The following MYT1L variants were observed in gnomAD, a reference collection of about 807,000 sequenced individuals.
MYT1L encodes myelin transcription factor 1 like.
Under a neutral mutation model 126.7 loss-of-function variants are expected in MYT1L, and 12 were observed. The ratio of observed to expected loss-of-function variants is 0.09; its 90% CI spans 0.06 to 0.15. The LOEUF is 0.15. MYT1L is among the 10% of genes least tolerant of loss of function. The pLI is 1.00. For synonymous variants in MYT1L, 541 were observed against 604.2 expected (o/e 0.90, Z 1.53); for missense variants, 979 against 1,585.2 (o/e 0.62, Z 6.49).
At chr2:1,949,234 G>C (rs1158556543) in intron 8 of MYT1L, among the ~76,000 whole-genome samples, 1 of 152,240 alleles carries the variant, frequency 6.6e-6, no homozygotes, top group Non-Finnish European at 1.5e-5. Context: ...AGCGACAGGA[G>C]TGGAAGTCCA....
intron 3 of MYT1L, among the ~76,000 whole-genome samples, chr2:2,149,938 C>G (rs1381662305): frequency 5.9e-5 from 9 of 152,210 alleles, no homozygotes; most frequent in Non-Finnish European, 1.3e-4. Flanking sequence ...CTTCCTACCT[C>G]CACTCTCCAT....
intron 2 of MYT1L, among the ~76,000 whole-genome samples, chr2:2,282,329 T>C (rs934178042): frequency 3.9e-5 from 6 of 152,210 alleles, no homozygotes; most frequent in Admixed American, 3.3e-4. Context: ...TTAGAAGATA[T>C]TTTGAAATAC....
At chr2:2,054,448 G>A (rs779817006) in intron 3 of MYT1L, among the ~76,000 whole-genome samples, 2 of 151,820 alleles carry the variant, frequency 1.3e-5, no homozygotes, top group Non-Finnish European at 2.9e-5. Context: ...ACACTCAGAG[G>A]TGAGATCATA....
intron 8 of MYT1L, among the ~76,000 whole-genome samples, chr2:1,970,559 AGGCTCCAGGCACACAG>A (rs2149442275): frequency 6.6e-6 from 1 of 152,302 alleles, no homozygotes; most frequent in African/African-American, 2.4e-5. Flanking sequence ...TGGTCGGCAG[AGGCTCCAGGCACACAG>A]GGCAGAGAGC....
intron 3 of MYT1L, among the ~76,000 whole-genome samples, chr2:2,141,042 A>T (rs1196011021): frequency 6.6e-6 from 1 of 152,194 alleles, no homozygotes; most frequent in African/African-American, 2.4e-5. Context: ...GCTTGTTTTC[A>T]TTGTAAACAT....
intron 4 of MYT1L, among the ~76,000 whole-genome samples, chr2:2,019,742 A>G (rs1283551092): frequency 6.6e-6 from 1 of 152,244 alleles, no homozygotes; most frequent in Non-Finnish European, 1.5e-5. Context: ...GTCCTACTAC[A>G]TATGGAAATG....
chr2:1,789,313 A>C lies in MYT1L; in HGVS notation c.*2554T>G, dbSNP rs1346704150. 1 of 152,234 alleles carries C rather than the reference A, an allele frequency of 6.6e-6. No individual in the cohort carries two copies. Among genetic ancestry groups the C allele is most frequent in the Non-Finnish European group, 1.5e-5 (1 of 68,040 alleles). 9.4% of individuals were successfully genotyped at this position (152,234 alleles called of 1,614,324 possible). A position where few individuals can be genotyped will look rare whatever the true frequency, so the allele number is the denominator to read the frequency against. On this transcript the variant is annotated 3_prime_UTR_variant, in exon 25 of 25. Transcript: ENST00000647738. Reference sequence around the variant, plus strand: ...GTAGTACAAAAATAAATCAAACTTCAGTTCCACAGAGAGCACAATAAATAG... The same window carrying C: ...GTAGTACAAAAATAAATCAAACTTCCGTTCCACAGAGAGCACAATAAATAG...
intron 3 of MYT1L, among the ~76,000 whole-genome samples, chr2:2,100,758 A>C (rs1002957168): frequency 2.6e-5 from 4 of 152,134 alleles, no homozygotes; most frequent in Non-Finnish European, 5.9e-5. Context: ...TTCTCAACCA[A>C]GCCATACTCA....
intron 2 of MYT1L, among the ~76,000 whole-genome samples, chr2:2,256,294 A>C (rs1477038083): frequency 6.6e-6 from 1 of 152,222 alleles, no homozygotes; most frequent in Non-Finnish European, 1.5e-5. Context: ...AAAACTATTG[A>C]TCCAGTGAGC....
intron 3 of MYT1L, among the ~76,000 whole-genome samples, chr2:2,054,742 G>T (rs1348465153): frequency 6.7e-6 from 1 of 148,906 alleles, no homozygotes; most frequent in Non-Finnish European, 1.5e-5. Flanking sequence ...GACACATCAT[G>T]AGCACATGGA....
At chr2:2,241,816 A>G (rs377176290) in intron 2 of MYT1L, among the ~76,000 whole-genome samples, 26 of 152,340 alleles carry the variant, frequency 1.7e-4, no homozygotes, top group Middle Eastern at 3.4e-3. Flanking sequence ...GCATTACGCT[A>G]AGTGAAAGAG....
At chr2:2,181,347 C>T (rs2091500560) in intron 2 of MYT1L, among the ~76,000 whole-genome samples, 1 of 152,118 alleles carries the variant, frequency 6.6e-6, no homozygotes, top group South Asian at 2.1e-4. Flanking sequence ...GTCTACCTGG[C>T]TCTCTGTTGT....
At chr2:1,947,144 C>T (rs34100894) in intron 8 of MYT1L, among the ~76,000 whole-genome samples, 4,535 of 152,126 alleles carry the variant, frequency 0.03, 102 homozygotes, top group Non-Finnish European at 0.046. Context: ...CTATGAGTCC[C>T]GATTGCTGGG....
rs1237631871 is a variant in MYT1L at position 1,943,191 on chromosome 2, A to T, written c.296T>A (p.Met99Lys). 1.3e-6 allele frequency: 2 copies of T among 1,550,226 alleles called. No homozygotes were observed. Among genetic ancestry groups the T allele is most frequent in the East Asian group, 2.4e-5 (1 of 40,854 alleles). The change falls in exon 9 of 25, where the codon ATG becomes AAG. Residue 99 changes from methionine to lysine, a missense_variant. Around this residue, in one of 12 missense-constraint regions of MYT1L, gnomAD observed 111 missense variants for 115.9 expected, o/e 0.96. Coordinates refer to ENST00000647738, the MANE Select transcript of MYT1L (RefSeq NM_001303052.2). The surrounding 1 kb of genome is among the most constrained non-coding windows in gnomAD (Gnocchi z 4.4). ...CCCCTCATCCTCCTCCTTCTCATCCATGTCCTCAGTCCCATCACTGTCGTC... is the reference window on the plus strand; with the variant it reads ...CCCCTCATCCTCCTCCTTCTCATCCTTGTCCTCAGTCCCATCACTGTCGTC... ...ECDDSDGTED[M>K]DEKEEDEGEE...
At chr2:2,279,171 T>A (rs2095410492) in intron 2 of MYT1L, among the ~76,000 whole-genome samples, 1 of 152,218 alleles carries the variant, frequency 6.6e-6, no homozygotes, top group Non-Finnish European at 1.5e-5. Context: ...GTCTTAACAG[T>A]TGTGATGCTG....
chr2:2,209,429 C>T (rs193188670), intron 2 of MYT1L, among the ~76,000 whole-genome samples: 5 of 152,136 alleles, frequency 3.3e-5, no homozygotes, highest in Admixed American at 6.6e-5. Flanking sequence ...GGTAACCATC[C>T]TTCTACTCTA....
chr2:2,178,270 T>C (rs72769210), intron 2 of MYT1L, among the ~76,000 whole-genome samples: 6,717 of 152,232 alleles, frequency 0.044, 222 homozygotes, highest in Non-Finnish European at 0.068. Context: ...CACGTAATAC[T>C]TGTAAGCAAC....
chr2:1,867,646 G>A (rs553922850), intron 18 of MYT1L, among the ~76,000 whole-genome samples: 8 of 152,266 alleles, frequency 5.3e-5, no homozygotes, highest in South Asian at 4.1e-4. Flanking sequence ...ACCTCGGGGC[G>A]CTCTCTGGCT....
chr2:2,202,609 C>G (rs1035978333), intron 2 of MYT1L, among the ~76,000 whole-genome samples: 1 of 152,184 alleles, frequency 6.6e-6, no homozygotes, highest in Non-Finnish European at 1.5e-5. Flanking sequence ...ATAACAGGCT[C>G]TGAAATTGAG....
Sources: gnomAD v4.1 joint callset for allele counts (sites outside exome capture counted in the v4.1 genomes callset) on GRCh38, gnomAD v4.1.1 for gene constraint, gnomAD v4.1.1 regional missense constraint, Gnocchi (gnomAD v3.1) non-coding constraint, MANE v1.5 for transcripts, NCBI Gene and HGNC (gene_info 2026-07-23, HGNC 2026-07-21) for gene names.